MFAP5: variants seen among roughly 807,000 people sequenced by gnomAD.
MFAP5 encodes the protein microfibrillar-associated protein 5.
A neutral mutation model predicts 30.1 loss-of-function variants in MFAP5; 19 were observed. The ratio of observed to expected loss-of-function variants is 0.63; its 90% CI spans 0.44 to 0.93. The LOEUF is 0.93. Ranked by LOEUF, MFAP5 falls within the 40% of genes least tolerant of loss-of-function variation. The pLI is 0.00. For missense variants in MFAP5, 210 were observed against 221.3 expected, an observed-to-expected ratio of 0.95 and a Z score of 0.32; for synonymous variants, 92 against 72.9, an observed-to-expected ratio of 1.26 and a Z score of -1.33.
At chr12:8,654,736 A>G (rs905325679) in intron 5 of MFAP5, among the ~76,000 whole-genome samples, 1 of 151,998 alleles carries the variant, frequency 6.6e-6, no homozygotes, top group African/African-American at 2.4e-5. Flanking sequence ...ACTTGAGGTC[A>G]GGAGTTCAAG....
rs968368933 is a variant in MFAP5 at position 8,647,254 on chromosome 12, A to G, written c.*837T>C. On this transcript the variant is annotated 3_prime_UTR_variant, in exon 10 of 10. Transcript: ENST00000359478. ...TAGCAACTCAAGGAAACGTCAACCA[A>G]TGGTATGATTTCACATTAAGTTGTC... 2 of 152,218 alleles carry G rather than the reference A, an allele frequency of 1.3e-5. No homozygotes were observed. The highest frequency in any genetic ancestry group is 4.8e-5 in the African/African-American group (2 of 41,460). 9.4% of individuals were successfully genotyped at this position (152,218 alleles called of 1,614,324 possible). A position where few individuals can be genotyped will look rare whatever the true frequency, so the allele number is the denominator to read the frequency against.
At position 8,647,090 on chromosome 12, in the gene MFAP5, A is replaced by G. The variant is rs1025514463; in HGVS notation, c.*1001T>C. ...TATTGTGTTTCTTTCACTCTTTCGT[A>G]TTAACTATTAGGCAAACTTTCTGTC... On this transcript the variant is annotated 3_prime_UTR_variant, in exon 10 of 10. Transcript: ENST00000359478. 6.6e-6 allele frequency: 1 copy of G among 152,214 alleles called. No homozygotes were observed. The highest frequency in any genetic ancestry group is 2.1e-4 in the South Asian group (1 of 4,824). 9.4% of individuals were successfully genotyped at this position (152,214 alleles called of 1,614,324 possible).
chr12:8,648,603 G>A, intron 9 of MFAP5: 1 of 1,123,716 alleles, frequency 8.9e-7, no homozygotes, highest in African/African-American at 1.6e-5. Context: ...ACATTTACGT[G>A]CTTACTATGG....
chr12:8,652,286 A>G (rs1383661386), intron 6 of MFAP5, among the ~76,000 whole-genome samples: 1 of 151,952 alleles, frequency 6.6e-6, no homozygotes, highest in Non-Finnish European at 1.5e-5. Context: ...CTCTACTAAA[A>G]ATACAAAACT....
At chr12:8,656,669 T>TA (rs1491574935) in intron 3 of MFAP5, among the ~76,000 whole-genome samples, 990 of 86,614 alleles carry the variant, frequency 0.011, 17 homozygotes, top group South Asian at 0.021. Flanking sequence ...TATATATATA[T>TA]TTTTTTTTTT....
At chr12:8,658,677 A>C (rs1265632874) in intron 3 of MFAP5, 4 of 152,120 alleles carry the variant, frequency 2.6e-5, no homozygotes, top group Non-Finnish European at 5.9e-5. Context: ...AGAGGGCTTG[A>C]GAATGTATCC....
At chr12:8,656,573 A>AATATATATCTATATATATAT (rs1941993904) in intron 3 of MFAP5, among the ~76,000 whole-genome samples, 1 of 128,548 alleles carries the variant, frequency 7.8e-6, no homozygotes, top group African/African-American at 3.3e-5. Context: ...ATGCCTGGCT[A>AATATATATCTATATATATAT]ATATATATAT....
rs753315025 is a variant in MFAP5, at chr12:8,649,548, T to G, written c.362A>C (p.Lys121Thr). The G allele has an allele frequency of 3.1e-6, 5 of 1,613,968 alleles. No homozygotes were observed. In the Admixed American group the frequency reaches 8.3e-5, roughly 27 times the overall value. ...TSLRRMYIVN[K>T]EICSRLVCKE... Reference sequence around the variant, plus strand: ...ACAGACAAGACGAGAGCAGATCTCCTTGTTGACGATGTACATACGTCGTAA... The same window carrying G: ...ACAGACAAGACGAGAGCAGATCTCCGTGTTGACGATGTACATACGTCGTAA... Residue 121 changes from lysine to threonine, a missense_variant, in exon 9 of 10, where the codon AAG becomes ACG. Coordinates refer to ENST00000359478, the MANE Select transcript of MFAP5 (RefSeq NM_003480.4).
intron 8 of MFAP5, chr12:8,650,248 T>G: frequency 2.1e-6 from 1 of 466,584 alleles, no homozygotes; most frequent in Non-Finnish European, 3.9e-6. Context: ...CATGCCAGTA[T>G]TTCCCTCATG....
In MFAP5 at chr12:8,659,570, G is replaced by A. The variant is rs146597989; in HGVS notation, c.94+1293C>T. Among the ~76,000 whole-genome samples, 13 of 152,236 alleles carry A rather than the reference G, an allele frequency of 8.5e-5. 1 individual carries two copies. Among genetic ancestry groups the A allele is most frequent in the African/African-American group, 3.1e-4 (13 of 41,548 alleles). Reference sequence around the variant, plus strand: ...TTTGCTGGTACTAAAATCTCGGGAGGCCTTTCCCCTAGTCTGAAGTCTAGT... The same window carrying A: ...TTTGCTGGTACTAAAATCTCGGGAGACCTTTCCCCTAGTCTGAAGTCTAGT... On this transcript the variant is annotated intron_variant, in intron 3 of 9. Coordinates refer to ENST00000359478, the MANE Select transcript of MFAP5 (RefSeq NM_003480.4).
chr12:8,651,180 A>C (rs943139420), intron 7 of MFAP5, among the ~76,000 whole-genome samples: 5 of 152,182 alleles, frequency 3.3e-5, no homozygotes, highest in African/African-American at 1.2e-4. Flanking sequence ...AAAATAAAAT[A>C]AAATAAAACA....
In MFAP5 at chr12:8,646,341, C is replaced by G. The variant is rs1372304785; in HGVS notation, c.*1750G>C. ...TTTTCTCAGCAATATAAAAGGAATA[C>G]AACCTCCACTGTCATATATAACTTG... On this transcript the variant is annotated 3_prime_UTR_variant, in exon 10 of 10. Transcript: ENST00000359478. 6.6e-6 allele frequency: 1 copy of G among 152,130 alleles called. No homozygotes were observed. The highest frequency in any genetic ancestry group is 2.4e-5 in the African/African-American group (1 of 41,422). 9.4% of individuals were successfully genotyped at this position (152,130 alleles called of 1,614,324 possible).
chr12:8,660,333 C>T (rs1409139721), intron 3 of MFAP5, among the ~76,000 whole-genome samples: 1 of 151,816 alleles, frequency 6.6e-6, no homozygotes, highest in African/African-American at 2.4e-5. Context: ...GGACCACAGG[C>T]ATGCGCCACC....
chr12:8,660,915 G>C lies in MFAP5; in HGVS notation c.59-17C>G. 1.2e-6 allele frequency: 2 copies of C among 1,606,926 alleles called. No homozygotes were observed. Among genetic ancestry groups the C allele is most frequent in the East Asian group, 2.2e-5 (1 of 44,836 alleles). On this transcript the variant is annotated splice_polypyrimidine_tract_variant and intron_variant, in intron 2 of 9. Coordinates refer to ENST00000359478, the MANE Select transcript of MFAP5 (RefSeq NM_003480.4). ...GTATCCAGTCTATAGCAAAGGAAGA[G>C]AAAAGAGATGTGAGTGACTGCAGCT...
chr12:8,651,713 C>T (rs762321212), intron 6 of MFAP5, 22 bp from the exon 7 acceptor site: 11 of 1,609,394 alleles, frequency 6.8e-6, no homozygotes, highest in Admixed American at 1.7e-5. Context: ...AAATTTTATT[C>T]CACTGTTACC....
intron 2 of MFAP5, among the ~76,000 whole-genome samples, chr12:8,661,330 G>C (rs1942144929): frequency 6.6e-6 from 1 of 152,126 alleles, no homozygotes. Flanking sequence ...GAAAAAAATA[G>C]AGTAGGACAT....
intron 5 of MFAP5, 36 bp from the exon 6 acceptor site, chr12:8,654,517 T>C: frequency 6.3e-7 from 1 of 1,579,206 alleles, no homozygotes; most frequent in Non-Finnish European, 8.6e-7. Flanking sequence ...TGAGGAGGGC[T>C]TCAAATTGCA....
chr12:8,654,305 T>G lies in MFAP5; in HGVS notation c.217+132A>C, dbSNP rs943807653. ...ATGTCATTAATTTGAATTGAACTACTGGAAATATGTGCTCCATAAACTGTC... is the reference window on the plus strand; with the variant it reads ...ATGTCATTAATTTGAATTGAACTACGGGAAATATGTGCTCCATAAACTGTC... On this transcript the variant is annotated intron_variant, in intron 6 of 9. Transcript: ENST00000359478. 3.7e-6 allele frequency: 3 copies of G among 811,596 alleles called. No homozygotes were observed. In the African/African-American group the frequency reaches 5.2e-5, roughly 14 times the overall value. The allele number at this position is 811,596 out of a possible 1,614,324, so 50.3% of individuals were successfully genotyped here.
At chr12:8,656,670 T>TA (rs1565526957) in intron 3 of MFAP5, among the ~76,000 whole-genome samples, 21 of 111,528 alleles carry the variant, frequency 1.9e-4, no homozygotes, top group Admixed American at 7.9e-4. Context: ...ATATATATAT[T>TA]TTTTTTTTTT....
Sources: gnomAD v4.1 joint callset for allele counts (sites outside exome capture counted in the v4.1 genomes callset) on GRCh38, gnomAD v4.1.1 for gene constraint, MANE v1.5 for transcripts, NCBI Gene and HGNC (gene_info 2026-07-23, HGNC 2026-07-21) for gene names.